The following ATG13 variants were observed in gnomAD, a reference collection of about 807,000 sequenced individuals.
ATG13 encodes the protein autophagy related 13, also known as autophagy-related protein 13.
A neutral mutation model predicts 65.5 loss-of-function variants in ATG13; 23 were observed. The observed-to-expected ratio is 0.35, with a 90% CI of 0.25 to 0.50. The LOEUF (loss-of-function observed/expected upper bound fraction) is 0.50, where lower values mean the gene tolerates loss of function less well. ATG13 is among the 20% of genes least tolerant of loss of function. The pLI is 0.98. For synonymous variants in ATG13, 252 were observed against 245.2 expected, an observed-to-expected ratio of 1.03 and a Z score of -0.26; for missense variants, 566 against 677.0, an observed-to-expected ratio of 0.84 and a Z score of 1.82.
chr11:46,621,145 A>C (rs1050726596), intron 1 of ATG13: 28 of 151,916 alleles, frequency 1.8e-4, no homozygotes, highest in African/African-American at 6.5e-4. Context: ...CTCCTGAGTA[A>C]CTGGGATTAC....
At chr11:46,640,977 T>A (rs1020624910) in intron 2 of ATG13, among the ~76,000 whole-genome samples, 1 of 152,250 alleles carries the variant, frequency 6.6e-6, no homozygotes, top group Non-Finnish European at 1.5e-5. Flanking sequence ...CCTGACTTTG[T>A]CTCTGATAGC....
At position 46,657,090 on chromosome 11, in the gene ATG13, C is replaced by T. The variant is rs1421440799; in HGVS notation, c.500-5C>T. 6.2e-6 allele frequency: 10 copies of T among 1,611,482 alleles called. No homozygotes were observed. The South Asian group carries it at 7.7e-5, about 12-fold the overall frequency. ...AAGAAGCTAATAATGTATCTCTTCT[C>T]CTAGGCTTCCAGACAGTTCGTGTTG... On this transcript the variant is annotated splice_region_variant and splice_polypyrimidine_tract_variant and intron_variant, in intron 8 of 18. Transcript: ENST00000683050.
At chr11:46,659,312 C>G (rs1028129317) in intron 10 of ATG13, 80 bp from the exon 11 acceptor site, 4 of 1,146,550 alleles carry the variant, frequency 3.5e-6, no homozygotes, top group Non-Finnish European at 5.2e-6. Context: ...GGTCCCATCT[C>G]TATCTAATCA....
Position 46,673,496 on chromosome 11 carries a change from T to G in ATG13, c.*1164T>G, listed in dbSNP as rs1305334543. ...AAATGTGATGGCCACATGTAGTGGT[T>G]AGGGGATGTTGTGTGTGTCCCCCAA... is the stretch of plus-strand genomic sequence containing the variant. On this transcript the variant is annotated 3_prime_UTR_variant, in exon 19 of 19. Coordinates refer to ENST00000683050, the MANE Select transcript of ATG13 (RefSeq NM_001346311.2). 1 of 152,276 alleles carries G rather than the reference T, an allele frequency of 6.6e-6. No homozygotes were observed. The highest frequency in any genetic ancestry group is 2.4e-5 in the African/African-American group (1 of 41,444). 9.4% of individuals were successfully genotyped at this position (152,276 alleles called of 1,614,324 possible). A position where few individuals can be genotyped will look rare whatever the true frequency, so the allele number is the denominator to read the frequency against.
chr11:46,621,640 C>T (rs529166784), intron 1 of ATG13, among the ~76,000 whole-genome samples: 229 of 152,174 alleles, frequency 1.5e-3, no homozygotes, highest in South Asian at 0.011. Flanking sequence ...GAGCAACTTG[C>T]CCACCTCTCA....
chr11:46,655,434 G>A (rs1329478765), intron 7 of ATG13, among the ~76,000 whole-genome samples: 3 of 151,888 alleles, frequency 2.0e-5, no homozygotes, highest in African/African-American at 7.2e-5. Context: ...ACAGCCGGGC[G>A]TGGTGGCATG....
chr11:46,653,036 C>T (rs775310077), intron 7 of ATG13, among the ~76,000 whole-genome samples: 5 of 152,046 alleles, frequency 3.3e-5, no homozygotes, highest in African/African-American at 9.7e-5. Context: ...ATAGCCTATA[C>T]GGCCCACAAT....
Position 46,645,947 on chromosome 11 carries a change from C to T in ATG13, c.228C>T (p.Val76=), listed in dbSNP as rs141061538. The change falls in exon 5 of 19, where the codon GTC becomes GTT. Residue 76 remains valine (V), a synonymous_variant. Transcript: ENST00000683050. ...CACTGGCAGGACAGCTGCCTGCAGT[C>T]GGGAGGTCCATGTGTGTGGAGATTT... ...KKALAGQLPA[V]GRSMCVEISL... is the part of the protein sequence containing the mutation. 376 of 1,614,128 alleles carry T rather than the reference C, an allele frequency of 2.3e-4. 1 individual carries two copies. The Middle Eastern group carries it at 3.6e-3, about 16-fold the overall frequency.
At chr11:46,664,742 G>A (rs2061924080) in intron 12 of ATG13, 107 bp from the exon 13 acceptor site, 1 of 988,068 alleles carries the variant, frequency 1.0e-6, no homozygotes, top group African/African-American at 1.6e-5. Flanking sequence ...CATGTGGGCG[G>A]GAGCCATTCC....
rs1212138126 is a variant in ATG13 at position 46,633,026 on chromosome 11, A to ATATAT, written c.-14+2927_-14+2928insATATT. On this transcript the variant is annotated intron_variant, in intron 2 of 18. Transcript: ENST00000683050. ...AAAATATATATATATATATATATAT[A>ATATAT]TTTTTTTTTTTTTTTGGCAACGGGG... Among the ~76,000 whole-genome samples, 294 of 90,686 alleles carry ATATAT rather than the reference A, an allele frequency of 3.2e-3. 1 individual carries two copies. The highest frequency in any genetic ancestry group is 3.9e-3 in the African/African-American group (61 of 15,522). 59.5% of individuals were successfully genotyped at this position (90,686 alleles called of 152,430 possible).
chr11:46,657,444 A>T (rs1030288638), intron 9 of ATG13, 80 bp from the exon 10 acceptor site: 62 of 1,338,156 alleles, frequency 4.6e-5, no homozygotes, highest in Non-Finnish European at 6.4e-5. Flanking sequence ...AACAGATGTA[A>T]GGTGAGGGGC....
In ATG13 at chr11:46,645,938, G is replaced by T. The variant is rs147713250; in HGVS notation, c.219G>T (p.Leu73=). ...CAAAGAAGGCACTGGCAGGACAGCTGCCTGCAGTCGGGAGGTCCATGTGTG... is the reference window on the plus strand; with the variant it reads ...CAAAGAAGGCACTGGCAGGACAGCTTCCTGCAGTCGGGAGGTCCATGTGTG... ...HEAKKALAGQ[L]PAVGRSMCVE... The change falls in exon 5 of 19, where the codon CTG becomes CTT. Residue 73 remains leucine (L), a synonymous_variant. Coordinates refer to ENST00000683050, the MANE Select transcript of ATG13 (RefSeq NM_001346311.2). The T allele has an allele frequency of 6.2e-7, 1 of 1,614,084 alleles. No homozygotes were observed. The highest frequency in any genetic ancestry group is 1.3e-5 in the African/African-American group (1 of 74,928).
chr11:46,634,845 G>A (rs2053382587), intron 2 of ATG13, among the ~76,000 whole-genome samples: 1 of 152,004 alleles, frequency 6.6e-6, no homozygotes, highest in Non-Finnish European at 1.5e-5. Context: ...GGGACTACAG[G>A]TGTGTGCCAG....
In ATG13 at chr11:46,649,149, G is replaced by A. The variant is rs1396337932; in HGVS notation, c.283G>A (p.Glu95Lys). The change falls in exon 6 of 19, where the codon GAG (glutamate) becomes AAG (lysine). Residue 95 changes from glutamate (E) to lysine (K), a missense_variant. Around this residue, in one of 2 missense-constraint regions of ATG13, gnomAD observed 179 missense variants for 267.2 expected, o/e 0.67. Coordinates refer to ENST00000683050, the MANE Select transcript of ATG13 (RefSeq NM_001346311.2). ...GTCCTTTCTACAGGGAGATTCCATG[G>A]AGCTGGAAATATGGTGTCTTGAAAT... ...SLKTSEGDSM[E>K]LEIWCLEMNE... is the part of the protein sequence containing the mutation. The A allele has an allele frequency of 6.2e-7, 1 of 1,612,802 alleles. No homozygotes were observed. Among genetic ancestry groups the A allele is most frequent in the Non-Finnish European group, 8.5e-7 (1 of 1,179,298 alleles).
intron 15 of ATG13, 53 bp downstream of exon 15, chr11:46,667,940 G>A (rs544911083): frequency 2.1e-6 from 3 of 1,413,814 alleles, no homozygotes; most frequent in Non-Finnish European, 3.0e-6. Context: ...TTAGAGTAAG[G>A]CCCCACAGGC....
At chr11:46,636,190 T>C (rs1469670276) in intron 2 of ATG13, among the ~76,000 whole-genome samples, 2 of 152,102 alleles carry the variant, frequency 1.3e-5, no homozygotes, top group Non-Finnish European at 2.9e-5. Flanking sequence ...TTCCAATAAT[T>C]ATTTCCTCTC....
rs368397334 is a variant in ATG13 at position 46,634,292 on chromosome 11, G to T, written c.-14+4192G>T. On this transcript the variant is annotated intron_variant, in intron 2 of 18. Coordinates refer to ENST00000683050, the MANE Select transcript of ATG13 (RefSeq NM_001346311.2). ...TTTTTGCATTTTTAATAGAGACGGG[G>T]TTTCACCATGTTGGCCAGGATGGTC... 1.3e-4 allele frequency among the ~76,000 whole-genome samples: 20 copies of T among 151,926 alleles called. 1 individual carries two copies. The East Asian group carries it at 1.4e-3, about 10-fold the overall frequency.
At chr11:46,666,071 T>A (rs1449033121) in intron 14 of ATG13, among the ~76,000 whole-genome samples, 1 of 152,096 alleles carries the variant, frequency 6.6e-6, no homozygotes, top group Non-Finnish European at 1.5e-5. Context: ...CTTCCCAAAG[T>A]GCGGGGATTA....
At chr11:46,635,453 C>G (rs1365118610) in intron 2 of ATG13, among the ~76,000 whole-genome samples, 1 of 152,114 alleles carries the variant, frequency 6.6e-6, no homozygotes, top group South Asian at 2.1e-4. Context: ...ACCAACCTGG[C>G]CAACATAGAG....
Sources: allele counts gnomAD v4.1 joint callset (sites outside exome capture counted in the v4.1 genomes callset), GRCh38; gene constraint gnomAD v4.1.1; regional missense constraint gnomAD v4.1.1; transcripts MANE v1.5; gene names NCBI Gene and HGNC (gene_info 2026-07-23, HGNC 2026-07-21).